TMEM220: variants seen among roughly 807,000 people sequenced by gnomAD.
TMEM220 encodes transmembrane protein 220.
In TMEM220, 21 loss-of-function variants were observed where a neutral mutation model predicts 21.7. That is an observed-to-expected ratio of 0.97 (90% CI 0.69 to 1.39). TMEM220 has a LOEUF of 1.39. Among genes scored for constraint, TMEM220 ranks in the 40% most tolerant of loss-of-function variants. The pLI is 0.00. For synonymous variants in TMEM220, 80 were observed against 73.6 expected, an observed-to-expected ratio of 1.09 and a Z score of -0.45; for missense variants, 191 against 201.9, an observed-to-expected ratio of 0.95 and a Z score of 0.33.
intron 5 of TMEM220, among the ~76,000 whole-genome samples, chr17:10,721,068 CAT>C (rs2074982602): frequency 6.6e-6 from 1 of 152,106 alleles, no homozygotes; most frequent in Non-Finnish European, 1.5e-5. Flanking sequence ...ACATTTATGA[CAT>C]ATATATGAAT....
chr17:10,723,742 T>C (rs1486496468), intron 4 of TMEM220, among the ~76,000 whole-genome samples: 3 of 150,490 alleles, frequency 2.0e-5, no homozygotes, highest in Admixed American at 1.3e-4. Context: ...TGAGGCAGAA[T>C]GAGCCCAAAC....
At chr17:10,717,259 A>C (rs1268715088) in intron 5 of TMEM220, among the ~76,000 whole-genome samples, 3 of 152,202 alleles carry the variant, frequency 2.0e-5, no homozygotes, top group African/African-American at 7.2e-5. Context: ...GCCTCATCTC[A>C]TTCCTGATCT....
rs1341963683 is a variant in TMEM220 at position 10,729,816 on chromosome 17, G to C, written c.36C>G (p.Leu12=). Residue 12 remains leucine (L), a synonymous_variant, in exon 1 of 6, where the codon CTC becomes CTG. Transcript: ENST00000341871. ...CCGCCAGCGCGAAGAAGGCGGCCAT[G>C]AGTCCGTTGCAGGCCCGCCACAGCG... The part of the protein sequence containing the change: ...APALWRACNG[L]MAAFFALAAL... The C allele has an allele frequency of 7.1e-7, 1 of 1,408,508 alleles. No homozygotes were observed. The highest frequency in any genetic ancestry group is 2.4e-5 in the Admixed American group (1 of 41,834). 87.3% of individuals were successfully genotyped at this position (1,408,508 alleles called of 1,614,324 possible). A position where few individuals can be genotyped will look rare whatever the true frequency, so the allele number is the denominator to read the frequency against.
At position 10,716,477 on chromosome 17, in the gene TMEM220, C is replaced by T. The variant is rs183679161; in HGVS notation, c.348-889G>A. The T allele has an allele frequency of 2.1e-3, 1,430 of 675,238 alleles. 19 individuals are homozygous for T. Among genetic ancestry groups the T allele is most frequent in the Non-Finnish European group, 2.8e-4 (103 of 364,484 alleles). 41.8% of individuals were successfully genotyped at this position (675,238 alleles called of 1,614,324 possible). On this transcript the variant is annotated intron_variant, in intron 5 of 5. Coordinates refer to ENST00000341871, the MANE Select transcript of TMEM220 (RefSeq NM_001004313.3). ...ACTCGTGGCTGAACTTGCCCTTGTG[C>T]CCCACGTAGTAGCGCAGATAAAAGT...
Position 10,725,122 on chromosome 17 carries a change from C to A in TMEM220, c.176G>T (p.Trp59Leu), listed in dbSNP as rs1468596460. The stretch of plus-strand genomic sequence containing the variant: ...TATGTGTATTGCAGAGATACTTTTC[C>A]AAATAACATTACCTAAAAATAGATG... ...LNPEVTGNVI[W>L]KSISAIHILF... The change falls in exon 4 of 6, where the codon TGG (tryptophan) becomes TTG (leucine). Residue 59 changes from tryptophan (W) to leucine (L), a missense_variant. Transcript: ENST00000341871. The A allele has an allele frequency of 6.2e-7, 1 of 1,613,788 alleles. No individual in the cohort carries two copies. Among genetic ancestry groups the A allele is most frequent in the Non-Finnish European group, 8.5e-7 (1 of 1,179,924 alleles).
intron 4 of TMEM220, 69 bp from the exon 5 acceptor site, chr17:10,723,398 C>T (rs771371935): frequency 7.1e-6 from 8 of 1,127,144 alleles, no homozygotes; most frequent in Non-Finnish European, 1.1e-5. Flanking sequence ...CACATTCTCT[C>T]CATGACCACC....
At chr17:10,722,604 T>A (rs776880725) in intron 5 of TMEM220, among the ~76,000 whole-genome samples, 32 of 152,366 alleles carry the variant, frequency 2.1e-4, no homozygotes, top group South Asian at 2.1e-4. Context: ...TAAACTCCAT[T>A]TACTCTTTTC....
At chr17:10,722,079 G>A (rs533200304) in intron 5 of TMEM220, among the ~76,000 whole-genome samples, 11 of 150,496 alleles carry the variant, frequency 7.3e-5, no homozygotes, top group Middle Eastern at 3.4e-3. Context: ...TGCAACCTCC[G>A]ACTCCCGGGT....
intron 4 of TMEM220, 149 bp from the exon 5 acceptor site, chr17:10,723,478 T>A: frequency 1.5e-6 from 1 of 665,568 alleles, no homozygotes; most frequent in South Asian, 1.7e-5. Context: ...TATTTTCAAA[T>A]CTGACCATGA....
rs776128955 is a variant in TMEM220 at position 10,715,538 on chromosome 17, A to G, written c.398T>C (p.Leu133Pro). 3.0e-5 allele frequency: 48 copies of G among 1,605,412 alleles called. No homozygotes were observed. In the Middle Eastern group the frequency reaches 6.6e-4, roughly 22 times the overall value. The change falls in exon 6 of 6, where the codon CTT (leucine) becomes CCT (proline). Residue 133 changes from leucine (L) to proline (P), a missense_variant. Physicochemically the swap from Leu to Pro is moderately conservative, Grantham distance 98. Coordinates refer to ENST00000341871, the MANE Select transcript of TMEM220 (RefSeq NM_001004313.3). ...IQLAIAIVIT[L>P]FPFISWVYIY... is the part of the protein sequence containing the mutation. ...GTAGACCCATGAGATAAATGGGAAAAGTGTGATTACAATGGCAATAGCCAA... is the reference window on the plus strand; with the variant it reads ...GTAGACCCATGAGATAAATGGGAAAGGTGTGATTACAATGGCAATAGCCAA...
Position 10,714,274 on chromosome 17 carries a change from G to A in TMEM220, c.*1179C>T, listed in dbSNP as rs1481534865. ...ATTGGAAATACTTTATCTGTATTTAGGTATCATAAAATTTGCAATTGGAAA... is the reference window on the plus strand; with the variant it reads ...ATTGGAAATACTTTATCTGTATTTAAGTATCATAAAATTTGCAATTGGAAA... On this transcript the variant is annotated 3_prime_UTR_variant, in exon 6 of 6. Coordinates refer to ENST00000341871, the MANE Select transcript of TMEM220 (RefSeq NM_001004313.3). 2.0e-5 allele frequency: 3 copies of A among 151,422 alleles called. No homozygotes were observed. The highest frequency in any genetic ancestry group is 4.4e-5 in the Non-Finnish European group (3 of 67,912). 9.4% of individuals were successfully genotyped at this position (151,422 alleles called of 1,614,324 possible). A position where few individuals can be genotyped will look rare whatever the true frequency, so the allele number is the denominator to read the frequency against.
At chr17:10,713,116 C>G (rs1027299496), downstream of TMEM220, among the ~76,000 whole-genome samples, 11 of 151,734 alleles carry the variant, frequency 7.2e-5, no homozygotes, top group Non-Finnish European at 1.5e-4. Context: ...ACTAAAAATA[C>G]AAAAATTACC....
intron 2 of TMEM220, 56 bp from the exon 3 acceptor site, chr17:10,726,320 G>T: frequency 7.5e-7 from 1 of 1,328,032 alleles, no homozygotes; most frequent in Non-Finnish European, 1.1e-6. Flanking sequence ...CAATATATGA[G>T]ATGTTCAGAG....
At chr17:10,723,000 T>A (rs927435805) in intron 5 of TMEM220, among the ~76,000 whole-genome samples, 10 of 150,168 alleles carry the variant, frequency 6.7e-5, no homozygotes, top group Non-Finnish European at 1.3e-4. Context: ...TTTTTTTTTT[T>A]GAGAGAGTGT....
rs749065567 is a variant in TMEM220, at chr17:10,729,858, G to A, written c.-7C>T. The stretch of plus-strand genomic sequence containing the variant: ...GCCACAGCGCTGGCGCCATGGCTCG[G>A]AGAACACGGCGCGGGGCGGTGAGTC... On this transcript the variant is annotated 5_prime_UTR_variant, in exon 1 of 6. Transcript: ENST00000341871. The A allele has an allele frequency of 7.5e-6, 10 of 1,336,492 alleles. No individual in the cohort carries two copies. The highest frequency in any genetic ancestry group is 3.8e-6 in the Non-Finnish European group (4 of 1,039,562). The allele number at this position is 1,336,492 out of a possible 1,614,324, so 82.8% of individuals were successfully genotyped here.
intron 5 of TMEM220, chr17:10,716,260 C>T (rs755939891): frequency 6.3e-5 from 48 of 757,818 alleles, no homozygotes; most frequent in African/African-American, 2.8e-4. Context: ...AAGCTCCTGC[C>T]GGCCCTCTCG....
At position 10,713,360 on chromosome 17, in the gene TMEM220, A is replaced by G. The variant is rs1222690571; in HGVS notation, c.*2093T>C. The stretch of plus-strand genomic sequence containing the variant: ...TTTCATTAATACTCTTCAAAAGACT[A>G]TTCCACCAAAAGTGCCTTTTATATG... On this transcript the variant is annotated 3_prime_UTR_variant, in exon 6 of 6. Transcript: ENST00000341871. 4 of 152,090 alleles carry G rather than the reference A, an allele frequency of 2.6e-5. No homozygotes were observed. The highest frequency in any genetic ancestry group is 9.7e-5 in the African/African-American group (4 of 41,448). The allele number at this position is 152,090 out of a possible 1,614,324, so 9.4% of individuals were successfully genotyped here.
At chr17:10,720,601 CTTATT>C (rs1437041081) in intron 5 of TMEM220, among the ~76,000 whole-genome samples, 1 of 152,094 alleles carries the variant, frequency 6.6e-6, no homozygotes, top group Non-Finnish European at 1.5e-5. Context: ...TTTAATATAT[CTTATT>C]TTATAGATTT....
Position 10,729,914 on chromosome 17 carries a change from C to G in TMEM220, c.-63G>C, listed in dbSNP as rs2075107438. On this transcript the variant is annotated 5_prime_UTR_variant, in exon 1 of 6. Coordinates refer to ENST00000341871, the MANE Select transcript of TMEM220 (RefSeq NM_001004313.3). ...ACGTGCGGGGCGGTGAGTCCTGCCACGTACGGTCCGCCTTCCTCCTTGCGC... is the reference window on the plus strand; with the variant it reads ...ACGTGCGGGGCGGTGAGTCCTGCCAGGTACGGTCCGCCTTCCTCCTTGCGC... 3 of 1,263,586 alleles carry G rather than the reference C, an allele frequency of 2.4e-6. No individual in the cohort carries two copies. The allele number at this position is 1,263,586 out of a possible 1,614,324, so 78.3% of individuals were successfully genotyped here.
Sources: allele counts gnomAD v4.1 joint callset (sites outside exome capture counted in the v4.1 genomes callset), GRCh38; gene constraint gnomAD v4.1.1; transcripts MANE v1.5; gene names NCBI Gene and HGNC (gene_info 2026-07-23, HGNC 2026-07-21).